TCF12: variants seen among roughly 807,000 people sequenced by gnomAD.
The protein encoded by TCF12 is DNA-binding protein HTF4.
Under a neutral mutation model 86.0 loss-of-function variants are expected in TCF12, and 45 were observed. The observed-to-expected ratio is 0.52, with a 90% CI of 0.41 to 0.67. TCF12 has a LOEUF of 0.67. Ranked by LOEUF, TCF12 falls within the 30% of genes least tolerant of loss-of-function variation. The pLI is 0.00. For missense variants in TCF12, 881 were observed against 859.9 expected, an observed-to-expected ratio of 1.02 and a Z score of -0.31; for synonymous variants, 330 against 299.6, an observed-to-expected ratio of 1.10 and a Z score of -1.05.
chr15:57,277,233 G>C (rs545721035), intron 19 of TCF12, among the ~76,000 whole-genome samples: 1 of 152,294 alleles, frequency 6.6e-6, no homozygotes, highest in Non-Finnish European at 1.5e-5. Context: ...GTTGAGTCAA[G>C]AGAATCACTT....
chr15:56,945,648 A>G (rs925461377), intron 3 of TCF12, among the ~76,000 whole-genome samples: 4 of 151,642 alleles, frequency 2.6e-5, no homozygotes, highest in Admixed American at 2.0e-4. Context: ...TATTTTTCCT[A>G]TAGTAGCTTT....
At chr15:57,220,368 C>T (rs1412795988) in intron 8 of TCF12, among the ~76,000 whole-genome samples, 1 of 152,102 alleles carries the variant, frequency 6.6e-6, no homozygotes, top group Non-Finnish European at 1.5e-5. Flanking sequence ...GGGAAGCAGT[C>T]AGCTAGTAAG....
intron 5 of TCF12, among the ~76,000 whole-genome samples, chr15:57,148,168 G>A (rs1252493336): frequency 1.3e-5 from 2 of 151,764 alleles, no homozygotes; most frequent in Non-Finnish European, 2.9e-5. Flanking sequence ...ACAGGTGTGA[G>A]CCACTTTACC....
chr15:57,033,154 T>G (rs956236444), intron 3 of TCF12, among the ~76,000 whole-genome samples: 1 of 152,050 alleles, frequency 6.6e-6, no homozygotes, highest in Non-Finnish European at 1.5e-5. Context: ...GAAAAAAACT[T>G]TAGAGCTTCA....
At chr15:57,160,424 C>T (rs1379104967) in intron 5 of TCF12, among the ~76,000 whole-genome samples, 3 of 152,182 alleles carry the variant, frequency 2.0e-5, no homozygotes, top group African/African-American at 4.8e-5. Context: ...TTACCTCCCA[C>T]CAGGTCCCTC....
chr15:56,974,254 T>C (rs1403960434), intron 3 of TCF12, among the ~76,000 whole-genome samples: 1 of 152,118 alleles, frequency 6.6e-6, no homozygotes, highest in Non-Finnish European at 1.5e-5. Context: ...TGTCTGAAAC[T>C]TCCTCTCAGA....
At chr15:57,041,823 G>A (rs1191861703) in intron 3 of TCF12, among the ~76,000 whole-genome samples, 2 of 152,126 alleles carry the variant, frequency 1.3e-5, no homozygotes, top group African/African-American at 2.4e-5. Flanking sequence ...GAAGAATGCT[G>A]CCTTTCACTT....
chr15:56,977,482 A>T (rs2062669879), intron 3 of TCF12, among the ~76,000 whole-genome samples: 1 of 152,112 alleles, frequency 6.6e-6, no homozygotes, highest in African/African-American at 2.4e-5. Flanking sequence ...GTGAGCCAAG[A>T]TCATGCCACT....
At chr15:57,095,104 G>A (rs1213051054) in intron 5 of TCF12, among the ~76,000 whole-genome samples, 1 of 152,170 alleles carries the variant, frequency 6.6e-6, no homozygotes, top group African/African-American at 2.4e-5. Context: ...GTCAATATGG[G>A]AAAGAGGGCT....
At chr15:56,972,775 G>T (rs1242796673) in intron 3 of TCF12, among the ~76,000 whole-genome samples, 10 of 151,998 alleles carry the variant, frequency 6.6e-5, no homozygotes, top group African/African-American at 2.4e-4. Flanking sequence ...TCACAGAGAA[G>T]AATCAAAATA....
At chr15:57,238,193 C>T (rs1460166758) in intron 12 of TCF12, among the ~76,000 whole-genome samples, 3 of 151,848 alleles carry the variant, frequency 2.0e-5, no homozygotes, top group Non-Finnish European at 4.4e-5. Context: ...CTGTTTCTCC[C>T]GTTTAGACAG....
chr15:57,075,796 T>TCTC (rs1567370337), intron 4 of TCF12, among the ~76,000 whole-genome samples: 1 of 26,034 alleles, frequency 3.8e-5, no homozygotes, highest in Non-Finnish European at 8.0e-5. Context: ...CTTTCTTTCT[T>TCTC]TCTTTCTTTC....
chr15:57,097,889 C>T (rs1414855430), intron 5 of TCF12, among the ~76,000 whole-genome samples: 1 of 151,966 alleles, frequency 6.6e-6, no homozygotes, highest in Non-Finnish European at 1.5e-5. Flanking sequence ...GGCACAATGG[C>T]TCACCCCTGT....
At chr15:56,938,244 T>A (rs532562146) in intron 3 of TCF12, among the ~76,000 whole-genome samples, 1 of 152,172 alleles carries the variant, frequency 6.6e-6, no homozygotes, top group East Asian at 1.9e-4. Context: ...TACTGCAACC[T>A]CTGACTCCCT....
At chr15:57,139,273 C>T (rs11853331) in intron 5 of TCF12, among the ~76,000 whole-genome samples, 58,495 of 151,996 alleles carry the variant, frequency 0.38, 14,078 homozygotes, top group Non-Finnish European at 0.53. Context: ...ATGTGTACCA[C>T]AAGAATGATG....
chr15:57,249,711 A>G (rs1482704759), intron 13 of TCF12, among the ~76,000 whole-genome samples: 1 of 152,310 alleles, frequency 6.6e-6, no homozygotes. Flanking sequence ...AAGTAAGGCA[A>G]ATTGACCTGC....
chr15:57,110,178 A>G (rs1424618542), intron 5 of TCF12, among the ~76,000 whole-genome samples: 3 of 152,348 alleles, frequency 2.0e-5, no homozygotes, highest in South Asian at 4.1e-4. Flanking sequence ...TTGAAAGATA[A>G]TGGTTCTAAG....
At chr15:57,077,327 A>ATGTGTG (rs1172206511) in intron 4 of TCF12, among the ~76,000 whole-genome samples, 747 of 25,626 alleles carry the variant, frequency 0.029, 7 homozygotes, top group Non-Finnish European at 0.035. Flanking sequence ...ATGTATATAT[A>ATGTGTG]TGTGTGTGTG....
intron 3 of TCF12, among the ~76,000 whole-genome samples, chr15:56,998,455 C>CT (rs1441404547): frequency 1.5e-5 from 1 of 67,968 alleles, no homozygotes; most frequent in Non-Finnish European, 3.3e-5. Context: ...GAAACTCTGT[C>CT]TCAAAAAAAA....
Sources: allele counts gnomAD v4.1 joint callset (sites outside exome capture counted in the v4.1 genomes callset), GRCh38; gene constraint gnomAD v4.1.1; transcripts MANE v1.5; gene names NCBI Gene and HGNC (gene_info 2026-07-23, HGNC 2026-07-21).